SCMH1: variants seen among roughly 807,000 people sequenced by gnomAD.
SCMH1 encodes the protein Scm polycomb group protein homolog 1.
SCMH1 carries 37 observed loss-of-function variants against 70.8 expected under a neutral mutation model. The ratio of observed to expected loss-of-function variants is 0.52; its 90% CI spans 0.40 to 0.69. The LOEUF (loss-of-function observed/expected upper bound fraction) is 0.69, where lower values mean the gene tolerates loss of function less well. Among genes scored for constraint, SCMH1 ranks in the 30% least tolerant of loss-of-function variants. The probability of loss-of-function intolerance (pLI) is 0.00; values close to 1 mark genes in which losing one functional copy is unlikely to be tolerated. For synonymous variants in SCMH1, 292 were observed against 307.4 expected, an observed-to-expected ratio of 0.95 and a Z score of 0.52; for missense variants, 607 against 827.3, an observed-to-expected ratio of 0.73 and a Z score of 3.27.
intron 6 of SCMH1, among the ~76,000 whole-genome samples, chr1:41,136,134 T>G (rs1300267308): frequency 6.6e-6 from 1 of 151,842 alleles, no homozygotes; most frequent in South Asian, 2.1e-4. Context: ...TTTGCAGAGA[T>G]AGAGTTTTGC....
intron 6 of SCMH1, among the ~76,000 whole-genome samples, chr1:41,138,116 C>T (rs1433526810): frequency 2.0e-5 from 3 of 152,254 alleles, no homozygotes; most frequent in Middle Eastern, 6.8e-3. Context: ...CTGAGTTCTG[C>T]ATGCTGAAAA....
rs563739097 is a variant in SCMH1, at chr1:41,102,168, C to T, written c.745+11115G>A. 4.6e-5 allele frequency among the ~76,000 whole-genome samples: 7 copies of T among 150,724 alleles called. No homozygotes were observed. In the East Asian group the frequency reaches 7.9e-4, roughly 17 times the overall value. ...TGTAAAATAGGCTATTGTGCATGCA[C>T]ACGCATGTGTGTGTGTGTGTGTCTA... is the stretch of plus-strand genomic sequence containing the variant. On this transcript the variant is annotated intron_variant, in intron 8 of 14. Coordinates refer to ENST00000337495, the Ensembl canonical transcript of SCMH1.
At chr1:41,173,466 ATGCT>A (rs1646916397) in intron 2 of SCMH1, among the ~76,000 whole-genome samples, 1 of 152,174 alleles carries the variant, frequency 6.6e-6, no homozygotes, top group Non-Finnish European at 1.5e-5. Flanking sequence ...ACAAAAATAA[ATGCT>A]GACAAAAATG....
chr1:41,101,902 T>G (rs75393166), intron 8 of SCMH1, among the ~76,000 whole-genome samples: 1,771 of 152,338 alleles, frequency 0.012, 18 homozygotes, highest in Non-Finnish European at 0.017. Context: ...AAGTCTATAT[T>G]CTTTCCACTA....
At chr1:41,096,433 T>A (rs1665086376) in intron 8 of SCMH1, among the ~76,000 whole-genome samples, 1 of 152,190 alleles carries the variant, frequency 6.6e-6, no homozygotes, top group Admixed American at 6.5e-5. Context: ...TAATAGTACT[T>A]ACCTACAGAT....
chr1:41,219,788 G>A (rs528103134), intron 1 of SCMH1, among the ~76,000 whole-genome samples: 95 of 152,186 alleles, frequency 6.2e-4, no homozygotes, highest in Non-Finnish European at 7.5e-4. Flanking sequence ...AAACTTACCC[G>A]GGTATGGTGG....
chr1:41,212,853 G>T, intron 1 of SCMH1, among the ~76,000 whole-genome samples: 1 of 151,954 alleles, frequency 6.6e-6, no homozygotes, highest in Non-Finnish European at 1.5e-5. Context: ...TCCAGCTTGG[G>T]CAACAAAGTG....
chr1:41,214,365 TATAA>T (rs1228539228), intron 1 of SCMH1, among the ~76,000 whole-genome samples: 1 of 152,130 alleles, frequency 6.6e-6, no homozygotes. Flanking sequence ...TTATACAAAA[TATAA>T]ATAACTTAAG....
chr1:41,181,376 C>T (rs1055441297), intron 2 of SCMH1, among the ~76,000 whole-genome samples: 5 of 152,252 alleles, frequency 3.3e-5, no homozygotes, highest in Admixed American at 2.6e-4. Flanking sequence ...AGAGCTTCTG[C>T]ACAGCAAAAG....
chr1:41,187,473 A>C (rs972319579), intron 1 of SCMH1, among the ~76,000 whole-genome samples: 14 of 151,860 alleles, frequency 9.2e-5, no homozygotes, highest in Middle Eastern at 3.2e-3. Context: ...AAAAAAAAAA[A>C]AAACCCCAAA....
At chr1:41,107,672 AC>A (rs1411835645) in intron 8 of SCMH1, among the ~76,000 whole-genome samples, 1 of 152,142 alleles carries the variant, frequency 6.6e-6, no homozygotes, top group African/African-American at 2.4e-5. Context: ...GGTGGGCACC[AC>A]CACACCCAGC....
intron 1 of SCMH1, among the ~76,000 whole-genome samples, chr1:41,192,635 G>T (rs1652001904): frequency 6.6e-6 from 1 of 151,802 alleles, no homozygotes; most frequent in Admixed American, 6.6e-5. Flanking sequence ...AAACTATTTT[G>T]CTGCAGGCCC....
intron 1 of SCMH1, among the ~76,000 whole-genome samples, chr1:41,193,445 T>C (rs775799951): frequency 1.3e-5 from 2 of 152,024 alleles, no homozygotes; most frequent in Non-Finnish European, 2.9e-5. Context: ...ACAATCATCG[T>C]GTGATTTTTG....
intron 10 of SCMH1, among the ~76,000 whole-genome samples, chr1:41,060,856 T>C (rs1402843645): frequency 6.6e-6 from 1 of 152,144 alleles, no homozygotes; most frequent in African/African-American, 2.4e-5. Flanking sequence ...GCTACATTGT[T>C]GCCTAGGTGC....
At chr1:41,199,588 T>C (rs1289925406) in intron 1 of SCMH1, among the ~76,000 whole-genome samples, 1 of 152,164 alleles carries the variant, frequency 6.6e-6, no homozygotes, top group African/African-American at 2.4e-5. Context: ...GTCACTCAAC[T>C]TCTAAATGCA....
chr1:41,221,661 G>A (rs1659309562), intron 1 of SCMH1, among the ~76,000 whole-genome samples: 1 of 151,604 alleles, frequency 6.6e-6, no homozygotes, highest in Non-Finnish European at 1.5e-5. Context: ...GCCAAGCTGG[G>A]CGGACCACTT....
intron 8 of SCMH1, among the ~76,000 whole-genome samples, chr1:41,111,099 C>T (rs887482142): frequency 7.2e-5 from 11 of 152,182 alleles, no homozygotes; most frequent in African/African-American, 2.7e-4. Context: ...AAATATCTAT[C>T]CAAATCCTTT....
intron 12 of SCMH1, among the ~76,000 whole-genome samples, chr1:41,041,748 T>C (rs1293595468): frequency 1.3e-5 from 2 of 152,196 alleles, no homozygotes; most frequent in African/African-American, 4.8e-5. Context: ...AACCACTTTA[T>C]AACTAACTCA....
At chr1:41,063,715 T>TTGATAA (rs1653618912) in intron 10 of SCMH1, among the ~76,000 whole-genome samples, 1 of 152,228 alleles carries the variant, frequency 6.6e-6, no homozygotes, top group Middle Eastern at 3.4e-3. Flanking sequence ...GTCCACAAAT[T>TTGATAA]TGATAACCTA....
Sources: gnomAD v4.1 joint callset for allele counts (sites outside exome capture counted in the v4.1 genomes callset) on GRCh38, gnomAD v4.1.1 for gene constraint, MANE v1.5 for transcripts, NCBI Gene and HGNC (gene_info 2026-07-23, HGNC 2026-07-21) for gene names.